LPCAT1: variants seen among roughly 807,000 people sequenced by gnomAD.
LPCAT1 encodes the protein lysophosphatidylcholine acyltransferase 1.
Under a neutral mutation model 60.9 loss-of-function variants are expected in LPCAT1, and 23 were observed. The observed-to-expected ratio is 0.38, with a 90% CI of 0.27 to 0.53. The LOEUF is 0.53. LPCAT1 is among the 20% of genes least tolerant of loss of function. The pLI, the probability that LPCAT1 is intolerant of heterozygous loss-of-function variation, is 0.82. For synonymous variants in LPCAT1, 340 were observed against 301.1 expected, an observed-to-expected ratio of 1.13 and a Z score of -1.34; for missense variants, 622 against 723.6, an observed-to-expected ratio of 0.86 and a Z score of 1.61.
At position 1,463,642 on chromosome 5, in the gene LPCAT1, C is replaced by T; in HGVS notation, c.*9G>A. ...CGGGAGGGGCCGCGTCTCTCCGCAA[C>T]CCTGGGTCCTAATCCAGCTTCTTGC... is the stretch of plus-strand genomic sequence containing the variant. On this transcript the variant is annotated 3_prime_UTR_variant, in exon 14 of 14. Coordinates refer to ENST00000283415, the MANE Select transcript of LPCAT1 (RefSeq NM_024830.5). 2 of 1,613,746 alleles carry T rather than the reference C, an allele frequency of 1.2e-6. No individual in the cohort carries two copies. Among genetic ancestry groups the T allele is most frequent in the Non-Finnish European group, 1.7e-6 (2 of 1,180,000 alleles).
At chr5:1,511,133 C>A (rs1425329706) in intron 1 of LPCAT1, among the ~76,000 whole-genome samples, 1 of 152,230 alleles carries the variant, frequency 6.6e-6, no homozygotes, top group Non-Finnish European at 1.5e-5. Flanking sequence ...CAGGGAGTCA[C>A]TGCGGTTACT....
intron 5 of LPCAT1, among the ~76,000 whole-genome samples, chr5:1,486,369 G>A (rs989701689): frequency 2.0e-5 from 3 of 152,290 alleles, no homozygotes; most frequent in Middle Eastern, 3.4e-3. Flanking sequence ...AAGGCACCTG[G>A]GCCCAGGAGG....
At position 1,502,160 on chromosome 5, in the gene LPCAT1, G is replaced by A. The variant is rs1466508571; in HGVS notation, c.136-557C>T. ...GCTGCCATGCGAGTGGCTTGGGAAA[G>A]ACACAGTGGAGCTTCCTCCTGCAAA... On this transcript the variant is annotated intron_variant, in intron 1 of 13. Coordinates refer to ENST00000283415, the MANE Select transcript of LPCAT1 (RefSeq NM_024830.5). This position sits in a 1 kb window ranked among gnomAD's most constrained non-coding sequence, Gnocchi z 5.5. Among the ~76,000 whole-genome samples the A allele has an allele frequency of 6.6e-6, 1 of 152,178 alleles. No homozygotes were observed. Among genetic ancestry groups the A allele is most frequent in the Non-Finnish European group, 1.5e-5 (1 of 68,024 alleles).
At chr5:1,506,240 C>T (rs1736182895) in intron 1 of LPCAT1, among the ~76,000 whole-genome samples, 1 of 152,202 alleles carries the variant, frequency 6.6e-6, no homozygotes, top group South Asian at 2.1e-4. Context: ...AGGAGCAGTG[C>T]TCCTGGTGAA....
At chr5:1,504,561 A>G (rs1181775447) in intron 1 of LPCAT1, among the ~76,000 whole-genome samples, 1 of 152,192 alleles carries the variant, frequency 6.6e-6, no homozygotes, top group Non-Finnish European at 1.5e-5. Flanking sequence ...CTAAAAATAC[A>G]AAAGTAGCCG....
At chr5:1,510,256 CT>C (rs1481544981) in intron 1 of LPCAT1, among the ~76,000 whole-genome samples, 2 of 152,174 alleles carry the variant, frequency 1.3e-5, no homozygotes, top group African/African-American at 4.8e-5. Context: ...ATCTATAAAG[CT>C]GTTTCTTCTT....
intron 1 of LPCAT1, 143 bp from the exon 2 acceptor site, chr5:1,501,746 A>G (rs1736017186): frequency 2.4e-6 from 2 of 836,892 alleles, no homozygotes; most frequent in African/African-American, 1.7e-5. Flanking sequence ...ACAGCTGACC[A>G]AGGCTGACCA....
In LPCAT1 at chr5:1,469,073, C is replaced by T. The variant is rs550756606; in HGVS notation, c.1278+1753G>A. Among the ~76,000 whole-genome samples the T allele has an allele frequency of 5.3e-5, 8 of 152,350 alleles. No individual in the cohort carries two copies. The South Asian group carries it at 1.2e-3, about 24-fold the overall frequency. ...GGTGGGAGGAAGGCAGGGCATATGCCGTCAGGGCGGAGCTGCTGAGGGTGG... is the reference window on the plus strand; with the variant it reads ...GGTGGGAGGAAGGCAGGGCATATGCTGTCAGGGCGGAGCTGCTGAGGGTGG... On this transcript the variant is annotated intron_variant, in intron 12 of 13. Coordinates refer to ENST00000283415, the MANE Select transcript of LPCAT1 (RefSeq NM_024830.5).
At chr5:1,498,020 G>A (rs558121021) in intron 2 of LPCAT1, among the ~76,000 whole-genome samples, 1 of 152,222 alleles carries the variant, frequency 6.6e-6, no homozygotes, top group Non-Finnish European at 1.5e-5. Context: ...TGCCTTTTGC[G>A]AAACTGTGTC....
chr5:1,473,382 C>T (rs116133478), intron 11 of LPCAT1, among the ~76,000 whole-genome samples: 1 of 152,278 alleles, frequency 6.6e-6, no homozygotes, highest in African/African-American at 2.4e-5. Flanking sequence ...TGTCCCGCCC[C>T]TGCGTGCCAC....
rs770573392 is a variant in LPCAT1, at chr5:1,463,623, G to A, written c.*28C>T. 2 of 1,611,072 alleles carry A rather than the reference G, an allele frequency of 1.2e-6. No homozygotes were observed. The highest frequency in any genetic ancestry group is 1.3e-5 in the African/African-American group (1 of 74,986). On this transcript the variant is annotated 3_prime_UTR_variant, in exon 14 of 14. Transcript: ENST00000283415. ...CATGGCGGTGATGTCCACGCGGGAG[G>A]GGCCGCGTCTCTCCGCAACCCTGGG...
Position 1,494,425 on chromosome 5 carries a change from T to C in LPCAT1, c.493+275A>G, listed in dbSNP as rs1579792423. 9.2e-5 allele frequency among the ~76,000 whole-genome samples: 12 copies of C among 130,182 alleles called. 4 individuals carry two copies. The highest frequency in any genetic ancestry group is 7.7e-4 in the Admixed American group (10 of 13,002). The allele number at this position is 130,182 out of a possible 152,430, so 85.4% of individuals were successfully genotyped here. On this transcript the variant is annotated intron_variant, in intron 3 of 13. Transcript: ENST00000283415. The stretch of plus-strand genomic sequence containing the variant: ...TCCCAGCAGCGTGGTGGGGGGGGGG[T>C]CCCTCACTCCCGGTAGGGAGGGTCT...
chr5:1,511,245 C>T (rs986034047), intron 1 of LPCAT1, among the ~76,000 whole-genome samples: 8 of 152,212 alleles, frequency 5.3e-5, no homozygotes, highest in Non-Finnish European at 1.0e-4. Flanking sequence ...GTTGGCTCTG[C>T]GGGGTTGACC....
chr5:1,481,368 G>T lies in LPCAT1; in HGVS notation c.727-392C>A, dbSNP rs1735134020. Among the ~76,000 whole-genome samples, 1 of 152,176 alleles carries T rather than the reference G, an allele frequency of 6.6e-6. No individual in the cohort carries two copies. Among genetic ancestry groups the T allele is most frequent in the Non-Finnish European group, 1.5e-5 (1 of 68,026 alleles). On this transcript the variant is annotated intron_variant, in intron 6 of 13. Coordinates refer to ENST00000283415, the MANE Select transcript of LPCAT1 (RefSeq NM_024830.5). This position sits in a 1 kb window ranked among gnomAD's most constrained non-coding sequence, Gnocchi z 7.8. ...CAGACCTGGGGACACCAATTCCAGT[G>T]TGCACCCGGGACCCCGGCCCTCTCC...
At chr5:1,484,458 G>A (rs1482755058) in intron 5 of LPCAT1, among the ~76,000 whole-genome samples, 1 of 152,246 alleles carries the variant, frequency 6.6e-6, no homozygotes, top group Non-Finnish European at 1.5e-5. Flanking sequence ...CAGGCGGTCT[G>A]AGAAGGGCTC....
At chr5:1,472,257 A>G (rs1318418912) in intron 11 of LPCAT1, among the ~76,000 whole-genome samples, 1 of 151,938 alleles carries the variant, frequency 6.6e-6, no homozygotes, top group South Asian at 2.1e-4. Context: ...GGGGGTGAGG[A>G]GCACCCAGGG....
At chr5:1,514,026 G>A (rs916111047) in intron 1 of LPCAT1, among the ~76,000 whole-genome samples, 4 of 152,226 alleles carry the variant, frequency 2.6e-5, no homozygotes, top group South Asian at 2.1e-4. Context: ...AAGCTCCCAC[G>A]TGCAGAAACG....
At chr5:1,486,353 A>C (rs1362448481) in intron 5 of LPCAT1, among the ~76,000 whole-genome samples, 2 of 152,018 alleles carry the variant, frequency 1.3e-5, no homozygotes, top group Non-Finnish European at 2.9e-5. Context: ...GACACTCAGG[A>C]GAAAGAAGGC....
Position 1,470,914 on chromosome 5 carries a change from C to T in LPCAT1, c.1190G>A (p.Gly397Asp). 1 of 1,613,120 alleles carries T rather than the reference C, an allele frequency of 6.2e-7. No homozygotes were observed. The highest frequency in any genetic ancestry group is 8.5e-7 in the Non-Finnish European group (1 of 1,179,886). ...CACACACTCTCGCAGGTCCACCTCG[C>T]CGCTGCCGCTCTGTGGGGAGAGACG... ...MFSLFDESGS[G>D]EVDLRECVVA... Residue 397 changes from glycine (G) to aspartate (D), a missense_variant, in exon 12 of 14, where the codon GGC becomes GAC. Physicochemically the swap from Gly to Asp is moderately conservative, Grantham distance 94 (BLOSUM62 -1). Around this residue, in one of 3 missense-constraint regions of LPCAT1, gnomAD observed 288 missense variants for 283.6 expected, o/e 1.02. Coordinates refer to ENST00000283415, the MANE Select transcript of LPCAT1 (RefSeq NM_024830.5).
Sources: allele counts gnomAD v4.1 joint callset (sites outside exome capture counted in the v4.1 genomes callset), GRCh38; gene constraint gnomAD v4.1.1; regional missense constraint gnomAD v4.1.1; non-coding constraint Gnocchi (gnomAD v3.1); transcripts MANE v1.5; gene names NCBI Gene and HGNC (gene_info 2026-07-23, HGNC 2026-07-21).